BLTP3B: variants seen among roughly 807,000 people sequenced by gnomAD.
BLTP3B encodes bridge-like lipid transfer protein family member 3B, also known as UHRF1 (ICBP90) binding protein 1-like.
the BLTP3B span, among the ~76,000 whole-genome samples, chr12:100,057,395 AT>A: frequency 6.6e-6 from 1 of 152,140 alleles, no homozygotes; most frequent in African/African-American, 2.4e-5. Context: ...ACTAAATATT[AT>A]TAATAATTAA....
chr12:100,124,147 G>A, the BLTP3B span, among the ~76,000 whole-genome samples: 1 of 151,122 alleles, frequency 6.6e-6, no homozygotes, highest in Non-Finnish European at 1.5e-5. Flanking sequence ...GGTGGTGCAT[G>A]CCTGTAGACC....
the BLTP3B span, among the ~76,000 whole-genome samples, chr12:100,138,866 T>TACAC: frequency 6.2e-3 from 927 of 150,700 alleles, 12 homozygotes; most frequent in East Asian, 0.04. Context: ...CACATACACA[T>TACAC]ACACACACAC....
chr12:100,061,565 G>C, the BLTP3B span, among the ~76,000 whole-genome samples: 1 of 151,378 alleles, frequency 6.6e-6, no homozygotes, highest in African/African-American at 2.4e-5. Context: ...GCTGAGGCAG[G>C]AGAATGGTGT....
the BLTP3B span, among the ~76,000 whole-genome samples, chr12:100,111,612 T>G: frequency 6.6e-6 from 1 of 151,602 alleles, no homozygotes; most frequent in East Asian, 1.9e-4. Flanking sequence ...TGTTTGTTTG[T>G]TTTGTTTTGT....
At chr12:100,077,256 G>T in the BLTP3B span, among the ~76,000 whole-genome samples, 1 of 152,074 alleles carries the variant, frequency 6.6e-6, no homozygotes, top group Non-Finnish European at 1.5e-5. Flanking sequence ...AACTGCTACG[G>T]TATTCAATAC....
the BLTP3B span, among the ~76,000 whole-genome samples, chr12:100,049,083 A>G: frequency 6.6e-6 from 1 of 152,026 alleles, no homozygotes; most frequent in Non-Finnish European, 1.5e-5. Context: ...AAAAATGAGG[A>G]GACATGGAAA....
At chr12:100,064,989 A>G in the BLTP3B span, among the ~76,000 whole-genome samples, 1 of 152,144 alleles carries the variant, frequency 6.6e-6, no homozygotes, top group Non-Finnish European at 1.5e-5. Flanking sequence ...TAAGTGGCCT[A>G]AATGCTCCAC....
chr12:100,101,335 A>G, the BLTP3B span, among the ~76,000 whole-genome samples: 1 of 152,224 alleles, frequency 6.6e-6, no homozygotes, highest in Non-Finnish European at 1.5e-5. Context: ...GGCATGCACT[A>G]ACATAAAGGT....
chr12:100,106,397 C>A, the BLTP3B span, among the ~76,000 whole-genome samples: 11 of 151,908 alleles, frequency 7.2e-5, no homozygotes, highest in Non-Finnish European at 1.5e-5. Context: ...AAATGTGGTA[C>A]ATAAATACCA....
chr12:100,104,204 CTTTT>C, the BLTP3B span, among the ~76,000 whole-genome samples: 4 of 131,662 alleles, frequency 3.0e-5, no homozygotes, highest in Non-Finnish European at 6.5e-5. Flanking sequence ...TTCTTTTTTT[CTTTT>C]TTTTTTTTTT....
chr12:100,093,816 T>TA, the BLTP3B span, among the ~76,000 whole-genome samples: 1 of 152,222 alleles, frequency 6.6e-6, no homozygotes, highest in Non-Finnish European at 1.5e-5. Flanking sequence ...ACCTCACTCC[T>TA]AAAAACGCTA....
At chr12:100,091,050 A>G in the BLTP3B span, among the ~76,000 whole-genome samples, 1 of 150,132 alleles carries the variant, frequency 6.7e-6, no homozygotes, top group Non-Finnish European at 1.5e-5. Flanking sequence ...TTTTTGAGGC[A>G]AAGTCTCACT....
chr12:100,115,124 G>A, the BLTP3B span, among the ~76,000 whole-genome samples: 1 of 152,130 alleles, frequency 6.6e-6, no homozygotes, highest in Non-Finnish European at 1.5e-5. Flanking sequence ...AATAGTGATC[G>A]GCCAGGCGCA....
At chr12:100,043,142 CATA>C in the BLTP3B span, among the ~76,000 whole-genome samples, 1 of 152,164 alleles carries the variant, frequency 6.6e-6, no homozygotes, top group Non-Finnish European at 1.5e-5. Context: ...ATTTTTTAGA[CATA>C]ATAATAGTGT....
At chr12:100,101,451 G>A in the BLTP3B span, among the ~76,000 whole-genome samples, 1 of 152,134 alleles carries the variant, frequency 6.6e-6, no homozygotes, top group Non-Finnish European at 1.5e-5. Flanking sequence ...ATAACACCTA[G>A]AATACTATAC....
chr12:100,072,183 A>G, the BLTP3B span, among the ~76,000 whole-genome samples: 1 of 152,040 alleles, frequency 6.6e-6, no homozygotes, highest in African/African-American at 2.4e-5. Context: ...AATCGCTTGA[A>G]CCTGGGAGGC....
chr12:100,060,059 GT>G, the BLTP3B span: 2 of 1,544,034 alleles, frequency 1.3e-6, no homozygotes, highest in East Asian at 2.4e-5. Flanking sequence ...GAGACAAGAT[GT>G]TTTTTAAAAA....
At chr12:100,076,907 C>T in the BLTP3B span, among the ~76,000 whole-genome samples, 1 of 152,004 alleles carries the variant, frequency 6.6e-6, no homozygotes, top group Non-Finnish European at 1.5e-5. Context: ...ATCTTATGTT[C>T]TTCTACTTAC....
the BLTP3B span, chr12:100,037,284 AAG>A: frequency 4.0e-6 from 4 of 1,006,544 alleles, no homozygotes; most frequent in East Asian, 1.1e-4. Context: ...GTGTGAACAC[AAG>A]AGGTTTTCCT....
Sources: gnomAD v4.1 joint callset for allele counts (sites outside exome capture counted in the v4.1 genomes callset) on GRCh38, gnomAD v4.1.1 for gene constraint, MANE v1.5 for transcripts, NCBI Gene and HGNC (gene_info 2026-07-23, HGNC 2026-07-21) for gene names.